SLC9C1: variants seen among roughly 807,000 people sequenced by gnomAD.
SLC9C1 encodes solute carrier family 9 member C1, also known as sodium/hydrogen exchanger 10.
In SLC9C1, 97 loss-of-function variants were observed where a neutral mutation model predicts 140.9. That is an observed-to-expected ratio of 0.69 (90% CI 0.58 to 0.82). The LOEUF (loss-of-function observed/expected upper bound fraction) is 0.82. Among genes scored for constraint, SLC9C1 ranks in the 40% least tolerant of loss-of-function variants. The pLI, the probability that SLC9C1 is intolerant of heterozygous loss-of-function variation, is 0.00. For synonymous variants in SLC9C1, 440 were observed against 442.6 expected (o/e 0.99, Z 0.07); for missense variants, 1,340 against 1,389.3 (o/e 0.96, Z 0.56).
chr3:112,290,801 C>G (rs1199358883), intron 1 of SLC9C1, among the ~76,000 whole-genome samples: 3 of 108,536 alleles, frequency 2.8e-5, no homozygotes, highest in African/African-American at 1.1e-4. Context: ...TATGTTATTA[C>G]CTTCTTTTCC....
At chr3:112,244,521 G>C (rs762335693) in intron 10 of SLC9C1, among the ~76,000 whole-genome samples, 2 of 152,164 alleles carry the variant, frequency 1.3e-5, no homozygotes, top group African/African-American at 4.8e-5. Context: ...TGGGAAAGGA[G>C]AACAACTCAA....
chr3:112,165,583 C>T (rs567250060), intron 26 of SLC9C1, among the ~76,000 whole-genome samples: 3 of 152,262 alleles, frequency 2.0e-5, no homozygotes, highest in South Asian at 2.1e-4. Flanking sequence ...TGCACAACAG[C>T]GGATATTGGT....
intron 10 of SLC9C1, among the ~76,000 whole-genome samples, chr3:112,254,553 G>T (rs2079550919): frequency 6.6e-6 from 1 of 152,038 alleles, no homozygotes; most frequent in African/African-American, 2.4e-5. Context: ...GAAGGAGTTG[G>T]TTACCAACAG....
At position 112,259,352 on chromosome 3, in the gene SLC9C1, G is replaced by A. The variant is rs2079704522; in HGVS notation, c.1197+3572C>T. 2.6e-5 allele frequency among the ~76,000 whole-genome samples: 4 copies of A among 151,196 alleles called. No individual in the cohort carries two copies. The South Asian group carries it at 8.3e-4, about 32-fold the overall frequency. ...GAAAAAAAATAACTATTGGGAACTA[G>A]GCTTGGTACCTGGGTGATAAAATAT... On this transcript the variant is annotated intron_variant, in intron 10 of 28. Coordinates refer to ENST00000305815, the MANE Select transcript of SLC9C1 (RefSeq NM_183061.3).
At chr3:112,215,773 A>G (rs2078346163) in intron 15 of SLC9C1, among the ~76,000 whole-genome samples, 1 of 152,224 alleles carries the variant, frequency 6.6e-6, no homozygotes, top group South Asian at 2.1e-4. Flanking sequence ...TAAAATGGTC[A>G]TACTGCCCAA....
At chr3:112,289,819 T>A (rs2080625307) in intron 1 of SLC9C1, among the ~76,000 whole-genome samples, 1 of 152,322 alleles carries the variant, frequency 6.6e-6, no homozygotes, top group African/African-American at 2.4e-5. Context: ...ATCTCGAATG[T>A]AATATAAGTG....
At position 112,208,178 on chromosome 3, in the gene SLC9C1, C is replaced by T; in HGVS notation, c.1986G>A (p.Lys662=). The T allele has an allele frequency of 6.3e-7, 1 of 1,597,190 alleles. No individual in the cohort carries two copies. Among genetic ancestry groups the T allele is most frequent in the Non-Finnish European group, 8.5e-7 (1 of 1,172,920 alleles). ...LTLYILEALL[K]IAAMRKDFFS... ...CATACACACATAAATTTTAGATTACCTTAAGTAGTGCCTCTAGAATATAAA... is the reference window on the plus strand; with the variant it reads ...CATACACACATAAATTTTAGATTACTTTAAGTAGTGCCTCTAGAATATAAA... Residue 662 remains lysine, a splice_region_variant and synonymous_variant, in exon 16 of 29, where the codon AAG becomes AAA. Coordinates refer to ENST00000305815, the MANE Select transcript of SLC9C1 (RefSeq NM_183061.3).
At chr3:112,160,490 A>G (rs1312855727) in intron 26 of SLC9C1, among the ~76,000 whole-genome samples, 3 of 140,976 alleles carry the variant, frequency 2.1e-5, no homozygotes, top group South Asian at 2.2e-4. Context: ...TCATTTTTCA[A>G]TTCCCACTTA....
At chr3:112,199,582 G>C (rs545484903) in intron 19 of SLC9C1, 113 bp from the exon 20 acceptor site, 1 of 719,128 alleles carries the variant, frequency 1.4e-6, no homozygotes, top group East Asian at 3.2e-5. Context: ...CCTCAACACA[G>C]AGAAATGTAT....
rs73853357 is a variant in SLC9C1 at position 112,204,835 on chromosome 3, T to G, written c.1987-432A>C. 8.1e-3 allele frequency among the ~76,000 whole-genome samples: 1,230 copies of G among 152,176 alleles called. 22 individuals carry two copies. Among genetic ancestry groups the G allele is most frequent in the African/African-American group, 0.027 (1,135 of 41,536 alleles). Reference sequence around the variant, plus strand: ...TGATTCTGAGTAGTCAAAACAAAATTAGTTTATGTTTGTTGTGACACATGT... The same window carrying G: ...TGATTCTGAGTAGTCAAAACAAAATGAGTTTATGTTTGTTGTGACACATGT... On this transcript the variant is annotated intron_variant, in intron 16 of 28. Transcript: ENST00000305815.
intron 13 of SLC9C1, among the ~76,000 whole-genome samples, chr3:112,223,392 A>AT (rs2078593825): frequency 6.6e-6 from 1 of 152,140 alleles, no homozygotes; most frequent in South Asian, 2.1e-4. Context: ...CTAGTAAGCA[A>AT]TTTTTGCTTT....
intron 23 of SLC9C1, among the ~76,000 whole-genome samples, chr3:112,171,752 T>A (rs2077251396): frequency 6.6e-6 from 1 of 152,240 alleles, no homozygotes; most frequent in Non-Finnish European, 1.5e-5. Context: ...CTATCTTTCA[T>A]GTTAAAGTAT....
At chr3:112,148,955 T>C (rs1249648260) in intron 28 of SLC9C1, among the ~76,000 whole-genome samples, 1 of 151,834 alleles carries the variant, frequency 6.6e-6, no homozygotes, top group Non-Finnish European at 1.5e-5. Context: ...CAGCCTAAGC[T>C]CCTAATCTAG....
At chr3:112,228,342 T>C (rs571107775) in intron 13 of SLC9C1, among the ~76,000 whole-genome samples, 1 of 152,184 alleles carries the variant, frequency 6.6e-6, no homozygotes, top group East Asian at 1.9e-4. Flanking sequence ...TTAATAGTCA[T>C]ATGCAGATGA....
rs1293719225 is a variant in SLC9C1 at position 112,239,742 on chromosome 3, C to T, written c.1446+98G>A. ...ATTAACATGACTTCTCTATCAATTA[C>T]AAATATTAAAACTTGTGAATTAATA... On this transcript the variant is annotated intron_variant, in intron 12 of 28. Coordinates refer to ENST00000305815, the MANE Select transcript of SLC9C1 (RefSeq NM_183061.3). 45 of 1,186,764 alleles carry T rather than the reference C, an allele frequency of 3.8e-5. No individual in the cohort carries two copies. The East Asian group carries it at 8.7e-4, about 23-fold the overall frequency. The allele number at this position is 1,186,764 out of a possible 1,614,324, so 73.5% of individuals were successfully genotyped here.
intron 6 of SLC9C1, among the ~76,000 whole-genome samples, chr3:112,272,577 T>G (rs1269460972): frequency 3.3e-5 from 5 of 152,200 alleles, no homozygotes; most frequent in African/African-American, 1.2e-4. Flanking sequence ...TAAGGAAAAT[T>G]TGTATTTCAA....
At chr3:112,151,476 T>C (rs1560004411) in intron 28 of SLC9C1, 1 of 519,618 alleles carries the variant, frequency 1.9e-6, no homozygotes, top group African/African-American at 1.9e-5. Context: ...TTCTGGTAGG[T>C]TTTGTCTTCT....
At chr3:112,196,081 C>G (rs1383191357) in intron 20 of SLC9C1, among the ~76,000 whole-genome samples, 1 of 152,022 alleles carries the variant, frequency 6.6e-6, no homozygotes, top group Non-Finnish European at 1.5e-5. Flanking sequence ...TAGGGCAGAT[C>G]TAGAGGTAAC....
chr3:112,168,795 T>C (rs2077189066), intron 25 of SLC9C1, 82 bp downstream of exon 25: 1 of 1,281,164 alleles, frequency 7.8e-7, no homozygotes, highest in Non-Finnish European at 1.1e-6. Context: ...AGCTTAAGAT[T>C]ATAGTGACAG....
Sources: gnomAD v4.1 joint callset for allele counts (sites outside exome capture counted in the v4.1 genomes callset) on GRCh38, gnomAD v4.1.1 for gene constraint, MANE v1.5 for transcripts, NCBI Gene and HGNC (gene_info 2026-07-23, HGNC 2026-07-21) for gene names.